MSMB: variants seen among roughly 807,000 people sequenced by gnomAD.
MSMB encodes beta-microseminoprotein.
In MSMB, 10 loss-of-function variants were observed where a neutral mutation model predicts 10.5. The ratio of observed to expected loss-of-function variants is 0.95; its 90% confidence interval spans 0.59 to 1.62. The LOEUF (loss-of-function observed/expected upper bound fraction) is 1.62. Among genes scored for constraint, MSMB ranks in the 40% most tolerant of loss-of-function variants. The pLI, the probability that MSMB is intolerant of heterozygous loss-of-function variation, is 0.00. For synonymous variants in MSMB, 43 were observed against 46.5 expected, an observed-to-expected ratio of 0.93 and a Z score of 0.30; for missense variants, 126 against 137.4, an observed-to-expected ratio of 0.92 and a Z score of 0.42.
intron 3 of MSMB, among the ~76,000 whole-genome samples, chr10:46,036,009 C>CAG (rs1275296284): frequency 6.6e-6 from 1 of 152,008 alleles, no homozygotes; most frequent in Non-Finnish European, 1.5e-5. Flanking sequence ...GAGGAAACAG[C>CAG]AGAGAGAGAG....
At chr10:46,039,843 C>G (rs1840701443) in intron 2 of MSMB, 143 bp downstream of exon 2, 1 of 610,680 alleles carries the variant, frequency 1.6e-6, no homozygotes, top group Admixed American at 2.8e-5. Context: ...AATGGTGCCA[C>G]TGCACTCCAG....
intron 1 of MSMB, among the ~76,000 whole-genome samples, chr10:46,042,938 G>C (rs1840784970): frequency 6.6e-6 from 1 of 152,078 alleles, no homozygotes; most frequent in South Asian, 2.1e-4. Context: ...GAGTTTTATA[G>C]CCACAAAGAA....
At chr10:46,041,205 C>T (rs1840742751) in intron 1 of MSMB, among the ~76,000 whole-genome samples, 1 of 151,950 alleles carries the variant, frequency 6.6e-6, no homozygotes, top group South Asian at 2.1e-4. Context: ...ATTAGCTGGG[C>T]GTGGCGGCAC....
chr10:46,045,542 C>A (rs542860734), intron 1 of MSMB, among the ~76,000 whole-genome samples: 5 of 152,178 alleles, frequency 3.3e-5, no homozygotes, highest in Admixed American at 3.3e-4. Flanking sequence ...CAAAAACAAA[C>A]AAATAAACCA....
intron 1 of MSMB, among the ~76,000 whole-genome samples, chr10:46,043,121 T>G (rs1364621216): frequency 6.6e-6 from 1 of 152,228 alleles, no homozygotes; most frequent in East Asian, 1.9e-4. Flanking sequence ...TTTTACTCCC[T>G]TCATGCAGAA....
At chr10:46,035,628 T>G (rs1554927447) in intron 3 of MSMB, among the ~76,000 whole-genome samples, 1 of 152,190 alleles carries the variant, frequency 6.6e-6, no homozygotes, top group Non-Finnish European at 1.5e-5. Context: ...AAAGTAGACT[T>G]GAGATTACCA....
intron 1 of MSMB, among the ~76,000 whole-genome samples, chr10:46,042,677 G>T (rs782116730): frequency 4.6e-5 from 7 of 152,194 alleles, no homozygotes; most frequent in Non-Finnish European, 1.0e-4. Context: ...CAGAGCCAGT[G>T]GAGAACAGTG....
intron 3 of MSMB, among the ~76,000 whole-genome samples, chr10:46,035,449 A>G (rs73318197): frequency 0.077 from 11,673 of 152,312 alleles, 1,372 homozygotes; most frequent in African/African-American, 0.25. Flanking sequence ...TGGTATGACC[A>G]TGCCATGGAA....
intron 1 of MSMB, among the ~76,000 whole-genome samples, chr10:46,043,663 T>C (rs1837620449): frequency 6.6e-6 from 1 of 151,964 alleles, no homozygotes; most frequent in African/African-American, 2.4e-5. Context: ...TTTTGTTTTG[T>C]TTTGTTTGTC....
intron 1 of MSMB, among the ~76,000 whole-genome samples, chr10:46,044,885 G>A (rs1840856289): frequency 2.0e-5 from 3 of 152,196 alleles, no homozygotes; most frequent in African/African-American, 7.2e-5. Flanking sequence ...TCTGCAGCTT[G>A]CTAAGTTCAC....
At chr10:46,041,671 G>A (rs1392481114) in intron 1 of MSMB, among the ~76,000 whole-genome samples, 1 of 151,960 alleles carries the variant, frequency 6.6e-6, no homozygotes, top group Admixed American at 6.6e-5. Flanking sequence ...GTGTGTCCCT[G>A]TAGTCTCTGC....
chr10:46,041,461 G>T (rs1840751630), intron 1 of MSMB, among the ~76,000 whole-genome samples: 1 of 152,000 alleles, frequency 6.6e-6, no homozygotes, highest in East Asian at 1.9e-4. Flanking sequence ...AATTAATTAT[G>T]AAGTGACGCT....
At chr10:46,043,397 C>T (rs1554928892) in intron 1 of MSMB, among the ~76,000 whole-genome samples, 3 of 150,950 alleles carry the variant, frequency 2.0e-5, no homozygotes, top group African/African-American at 7.3e-5. Context: ...CTAATGCTGT[C>T]TCTCTCTCTC....
chr10:46,037,207 T>A (rs554702364), intron 3 of MSMB, among the ~76,000 whole-genome samples: 1 of 152,236 alleles, frequency 6.6e-6, no homozygotes, highest in African/African-American at 2.4e-5. Context: ...TCGAGGCACC[T>A]GTTAAAATTC....
In MSMB at chr10:46,033,429, AT is replaced by A. The variant is rs781969035; in HGVS notation, c.337del (p.Ile113Ter). 41 of 1,613,594 alleles carry A rather than the reference AT, an allele frequency of 2.5e-5. 1 individual carries two copies. The highest frequency in any genetic ancestry group is 3.3e-5 in the Non-Finnish European group (39 of 1,179,642). On this transcript the variant is annotated frameshift_variant, in exon 4 of 4. Coordinates refer to ENST00000582163, the MANE Select transcript of MSMB (RefSeq NM_002443.4). LOFTEE classifies it high-confidence loss of function. Reference sequence around the variant, plus strand: ...GTGCCTACTAGAAGCACATTAGATTATCCATTCACTGACAGAACAGGTCTTT... The same window carrying A: ...GTGCCTACTAGAAGCACATTAGATTACCATTCACTGACAGAACAGGTCTTT... Reference protein sequence around the residue: ...PKKTCSVSEWII With the variant: ...PKKTCSVSEWXI
Position 46,033,507 on chromosome 10 carries a change from AT to A in MSMB, c.259del (p.Ile87SerfsTer27). ...VGYDKDNCQR[I>X]FKKEDCKYIV... ...ATACTTGCAGTCCTCCTTCTTGAAG[AT>A]TCTTTGGCAGTTGTCTTTGTCATAA... On this transcript the variant is annotated frameshift_variant, in exon 4 of 4. Coordinates refer to ENST00000582163, the MANE Select transcript of MSMB (RefSeq NM_002443.4). LOFTEE classifies it low-confidence loss of function (END_TRUNC). The A allele has an allele frequency of 6.2e-7, 1 of 1,613,840 alleles. No homozygotes were observed.
intron 3 of MSMB, among the ~76,000 whole-genome samples, chr10:46,034,339 A>G (rs971778651): frequency 6.6e-6 from 1 of 151,588 alleles, no homozygotes; most frequent in Non-Finnish European, 1.5e-5. Flanking sequence ...CATGTTGGCC[A>G]GGCAGGTCTC....
chr10:46,034,548 G>A lies in MSMB; in HGVS notation c.216-997C>T, dbSNP rs191549609. Among the ~76,000 whole-genome samples the A allele has an allele frequency of 6.3e-3, 964 of 151,844 alleles. 10 individuals carry two copies. The highest frequency in any genetic ancestry group is 0.022 in the African/African-American group (898 of 41,434). On this transcript the variant is annotated intron_variant, in intron 3 of 3. Transcript: ENST00000582163. ...GACATAAAGAAATGATGATAGGGCC[G>A]GGCGCTGTGTCTCACGCCTGTAATC...
chr10:46,038,505 G>C (rs1175394360), intron 3 of MSMB, among the ~76,000 whole-genome samples: 1 of 152,064 alleles, frequency 6.6e-6, no homozygotes, highest in Admixed American at 6.6e-5. Context: ...AGCTAGGAGG[G>C]TCTCGATCTC....
Sources: allele counts gnomAD v4.1 joint callset (sites outside exome capture counted in the v4.1 genomes callset), GRCh38; gene constraint gnomAD v4.1.1; transcripts MANE v1.5; gene names NCBI Gene and HGNC (gene_info 2026-07-23, HGNC 2026-07-21).